The following CCSER1 variants were observed in gnomAD, a reference collection of about 807,000 sequenced individuals.
CCSER1 encodes the protein serine-rich coiled-coil domain-containing protein 1.
A neutral mutation model predicts 82.0 loss-of-function variants in CCSER1; 41 were observed. The observed-to-expected ratio is 0.50, with a 90% confidence interval of 0.39 to 0.65. The LOEUF (loss-of-function observed/expected upper bound fraction) is 0.65. CCSER1 is among the 30% of genes least tolerant of loss of function. The probability of loss-of-function intolerance (pLI) is 0.00; values close to 1 mark genes in which losing one functional copy is unlikely to be tolerated. For synonymous variants in CCSER1, 414 were observed against 383.9 expected, an observed-to-expected ratio of 1.08 and a Z score of -0.92; for missense variants, 1,119 against 1,064.2, an observed-to-expected ratio of 1.05 and a Z score of -0.72.
intron 6 of CCSER1, among the ~76,000 whole-genome samples, chr4:90,715,945 A>G (rs1161965584): frequency 1.3e-5 from 2 of 151,896 alleles, no homozygotes; most frequent in African/African-American, 4.8e-5. Context: ...AGTTAACTAC[A>G]TTATAATATA....
At chr4:91,562,209 AAAGTT>A (rs1442556320) in intron 10 of CCSER1, among the ~76,000 whole-genome samples, 4 of 151,608 alleles carry the variant, frequency 2.6e-5, no homozygotes, top group Non-Finnish European at 4.4e-5. Flanking sequence ...AAGATATTGA[AAAGTT>A]AAGAACCACT....
intron 1 of CCSER1, among the ~76,000 whole-genome samples, chr4:90,176,103 A>T (rs1373220686): frequency 6.6e-6 from 1 of 151,938 alleles, no homozygotes; most frequent in African/African-American, 2.4e-5. Context: ...ATAGTTGGGA[A>T]CTTTTAAATG....
chr4:90,356,575 G>C (rs1174311950), intron 3 of CCSER1, among the ~76,000 whole-genome samples: 1 of 151,550 alleles, frequency 6.6e-6, no homozygotes, highest in African/African-American at 2.4e-5. Context: ...TACAAAATCA[G>C]GATAATAATC....
intron 10 of CCSER1, among the ~76,000 whole-genome samples, chr4:91,118,538 G>A (rs115518341): frequency 0.012 from 1,832 of 152,172 alleles, 36 homozygotes; most frequent in African/African-American, 0.042. Context: ...GCCTCCTAAC[G>A]TGCTGGGATT....
intron 10 of CCSER1, among the ~76,000 whole-genome samples, chr4:91,390,955 CT>C (rs368768877): frequency 7.2e-5 from 11 of 151,892 alleles, no homozygotes; most frequent in African/African-American, 2.7e-4. Context: ...TAATTTGTGC[CT>C]TCTGTCTTTT....
At chr4:90,490,729 T>C (rs1767875395) in intron 5 of CCSER1, among the ~76,000 whole-genome samples, 1 of 152,184 alleles carries the variant, frequency 6.6e-6, no homozygotes, top group Non-Finnish European at 1.5e-5. Flanking sequence ...CAGTTTCAGC[T>C]TTCTACATAT....
intron 5 of CCSER1, among the ~76,000 whole-genome samples, chr4:90,617,469 T>G (rs996655602): frequency 6.6e-6 from 1 of 152,114 alleles, no homozygotes; most frequent in African/African-American, 2.4e-5. Context: ...GTTTTAAATG[T>G]CAAGTATACT....
rs573577434 is a variant in CCSER1 at position 90,275,941 on chromosome 4, C to T, written c.-41-32303C>T. 3.9e-5 allele frequency among the ~76,000 whole-genome samples: 6 copies of T among 152,198 alleles called. No homozygotes were observed. In the South Asian group the frequency reaches 1.2e-3, roughly 32 times the overall value. ...AAATTAGTAATCTAAATTTTATATACTGAAATGAAGTGTGAGATGTATGCC... is the reference window on the plus strand; with the variant it reads ...AAATTAGTAATCTAAATTTTATATATTGAAATGAAGTGTGAGATGTATGCC... On this transcript the variant is annotated intron_variant, in intron 1 of 10. Coordinates refer to ENST00000509176, the MANE Select transcript of CCSER1 (RefSeq NM_001145065.2).
chr4:91,295,817 T>C (rs2149226854), intron 10 of CCSER1, among the ~76,000 whole-genome samples: 1 of 152,068 alleles, frequency 6.6e-6, no homozygotes, highest in South Asian at 2.1e-4. Flanking sequence ...CAGCCTCCTG[T>C]GTTTTTATGT....
intron 9 of CCSER1, among the ~76,000 whole-genome samples, chr4:91,023,628 C>T (rs141121057): frequency 0.012 from 1,861 of 152,254 alleles, 36 homozygotes; most frequent in African/African-American, 0.041. Flanking sequence ...AACTGGATCC[C>T]TTCCTTACAC....
intron 10 of CCSER1, among the ~76,000 whole-genome samples, chr4:91,164,895 A>T (rs186257765): frequency 6.6e-6 from 1 of 152,112 alleles, no homozygotes; most frequent in African/African-American, 2.4e-5. Flanking sequence ...TAGCTCGAAG[A>T]AGTTTGTTAT....
At chr4:91,075,706 A>AT (rs1035145928) in intron 9 of CCSER1, among the ~76,000 whole-genome samples, 36 of 152,106 alleles carry the variant, frequency 2.4e-4, no homozygotes, top group African/African-American at 5.3e-4. Flanking sequence ...AATGCAAAGG[A>AT]TTTTTTTGTT....
intron 4 of CCSER1, among the ~76,000 whole-genome samples, chr4:90,440,418 C>T (rs1475006914): frequency 2.0e-5 from 3 of 152,196 alleles, no homozygotes; most frequent in African/African-American, 7.2e-5. Flanking sequence ...TGGACACTGA[C>T]ATGAGAAACG....
chr4:90,604,523 A>G (rs1784388150), intron 5 of CCSER1, among the ~76,000 whole-genome samples: 1 of 152,222 alleles, frequency 6.6e-6, no homozygotes, highest in Non-Finnish European at 1.5e-5. Context: ...GAGATAATAT[A>G]TGCAATGTGC....
intron 10 of CCSER1, among the ~76,000 whole-genome samples, chr4:91,093,885 T>C (rs1724230671): frequency 6.6e-6 from 1 of 152,196 alleles, no homozygotes; most frequent in Non-Finnish European, 1.5e-5. Context: ...AAGTTTGGAA[T>C]CCATAATCTG....
At chr4:90,771,475 TC>T (rs1473468106) in intron 7 of CCSER1, among the ~76,000 whole-genome samples, 1 of 149,948 alleles carries the variant, frequency 6.7e-6, no homozygotes, top group Non-Finnish European at 1.5e-5. Flanking sequence ...TATTTGTACA[TC>T]CCACTATTTC....
At position 90,792,803 on chromosome 4, in the gene CCSER1, G is replaced by A. The variant is rs78174970; in HGVS notation, c.2011-22959G>A. Among the ~76,000 whole-genome samples the A allele has an allele frequency of 8.9e-3, 1,360 of 152,292 alleles. 9 individuals are homozygous for A. The highest frequency in any genetic ancestry group is 0.02 in the Middle Eastern group (6 of 294). ...ATGCCTAGTTGAACAGATTTCCTGT[G>A]GCTAGACTAATTTAGATACTTCCAA... On this transcript the variant is annotated intron_variant, in intron 7 of 10. Coordinates refer to ENST00000509176, the MANE Select transcript of CCSER1 (RefSeq NM_001145065.2).
chr4:90,149,322 C>T (rs1394127794), intron 1 of CCSER1, among the ~76,000 whole-genome samples: 1 of 152,098 alleles, frequency 6.6e-6, no homozygotes, highest in Non-Finnish European at 1.5e-5. Flanking sequence ...TACATGGAGG[C>T]TAACCAAAGT....
chr4:90,778,586 T>G (rs746753939), intron 7 of CCSER1, among the ~76,000 whole-genome samples: 1 of 151,606 alleles, frequency 6.6e-6, no homozygotes, highest in Admixed American at 6.6e-5. Flanking sequence ...AAAAAATCTA[T>G]CATTCTGCAA....
Sources: gnomAD v4.1 joint callset for allele counts (sites outside exome capture counted in the v4.1 genomes callset) on GRCh38, gnomAD v4.1.1 for gene constraint, MANE v1.5 for transcripts, NCBI Gene and HGNC (gene_info 2026-07-23, HGNC 2026-07-21) for gene names.